DIP2C: variants seen among roughly 807,000 people sequenced by gnomAD.
The protein encoded by DIP2C is DIP2 acetate--CoA ligase C (putative), also known as disco-interacting protein 2 homolog C.
In DIP2C, 33 loss-of-function variants were observed where a neutral mutation model predicts 192.4. That is an observed-to-expected ratio of 0.17 (90% confidence interval 0.13 to 0.23). The LOEUF is 0.23. Ranked by LOEUF, DIP2C falls within the 10% of genes least tolerant of loss-of-function variation. DIP2C has a pLI of 1.00. For synonymous variants in DIP2C, 979 were observed against 864.1 expected, an observed-to-expected ratio of 1.13 and a Z score of -2.33; for missense variants, 1,537 against 2,110.1, an observed-to-expected ratio of 0.73 and a Z score of 5.32.
At chr10:411,613 C>T (rs1455664255) in intron 8 of DIP2C, among the ~76,000 whole-genome samples, 2 of 152,038 alleles carry the variant, frequency 1.3e-5, no homozygotes, top group Admixed American at 6.6e-5. Flanking sequence ...AATTCTCATT[C>T]GATACCAAAT....
intron 2 of DIP2C, among the ~76,000 whole-genome samples, chr10:474,255 G>A (rs766182747): frequency 1.3e-5 from 2 of 152,048 alleles, no homozygotes; most frequent in Non-Finnish European, 2.9e-5. Flanking sequence ...CACCCCTTAC[G>A]CCACTGTGGT....
At chr10:638,086 T>G (rs1201771624) in intron 1 of DIP2C, among the ~76,000 whole-genome samples, 1 of 152,010 alleles carries the variant, frequency 6.6e-6, no homozygotes, top group Non-Finnish European at 1.5e-5. Flanking sequence ...GGTGTGTGCC[T>G]CGGGCAATGC....
chr10:371,490 T>C (rs1425870607), intron 17 of DIP2C, among the ~76,000 whole-genome samples: 2 of 152,228 alleles, frequency 1.3e-5, no homozygotes, highest in Non-Finnish European at 2.9e-5. Flanking sequence ...ATCCAATTAC[T>C]CTGTCCTTGT....
chr10:286,815 T>C (rs753830432), intron 33 of DIP2C, among the ~76,000 whole-genome samples: 2 of 152,218 alleles, frequency 1.3e-5, no homozygotes, highest in African/African-American at 2.4e-5. Flanking sequence ...AGGGTGATGC[T>C]TGCAGTAATC....
rs1427112518 is a variant in DIP2C at position 423,049 on chromosome 10, G to C, written c.395-16C>G. The C allele has an allele frequency of 8.2e-6, 13 of 1,582,736 alleles. No individual in the cohort carries two copies. Among genetic ancestry groups the C allele is most frequent in the Non-Finnish European group, 1.1e-5 (13 of 1,161,494 alleles). ...GAAGAGGTATCTGTGTAAGAAGAAA[G>C]GTGATTTGCTGTATGTTGCAGCAAA... On this transcript the variant is annotated splice_polypyrimidine_tract_variant and intron_variant, in intron 4 of 36. Transcript: ENST00000280886.
chr10:528,384 TCCCCCAGAACG>T (rs1847180424), intron 1 of DIP2C, among the ~76,000 whole-genome samples: 1 of 86,158 alleles, frequency 1.2e-5, no homozygotes, highest in African/African-American at 9.3e-5. Flanking sequence ...CGCCCGCAGC[TCCCCCAGAACG>T]CAGACCGCCC....
chr10:568,779 AAAAAAAAAAAAAAAAAAAAC>A (rs1306534400), intron 1 of DIP2C, among the ~76,000 whole-genome samples: 27 of 144,420 alleles, frequency 1.9e-4, no homozygotes, highest in African/African-American at 5.5e-4. Context: ...AAAAAAAAAA[AAAAAAAAAAAAAAAAAAAAC>A]CTTCACTTGA....
At chr10:393,827 A>G (rs566581082) in intron 10 of DIP2C, among the ~76,000 whole-genome samples, 19 of 131,754 alleles carry the variant, frequency 1.4e-4, no homozygotes, top group East Asian at 4.3e-4. Flanking sequence ...AAGGAAAAGG[A>G]AAAAAAAAAA....
intron 9 of DIP2C, among the ~76,000 whole-genome samples, chr10:405,678 C>G (rs930880530): frequency 2.0e-5 from 3 of 152,198 alleles, no homozygotes; most frequent in Admixed American, 1.3e-4. Context: ...CATGGCTTCC[C>G]TCCGTTCAAT....
intron 1 of DIP2C, among the ~76,000 whole-genome samples, chr10:568,765 C>CCAAAA (rs1849593726): frequency 5.3e-5 from 2 of 37,862 alleles, no homozygotes; most frequent in African/African-American, 2.0e-4. Flanking sequence ...AACTCCGTCT[C>CCAAAA]AAAAAAAAAA....
chr10:354,476 T>G (rs1958977931), intron 24 of DIP2C, among the ~76,000 whole-genome samples: 1 of 152,170 alleles, frequency 6.6e-6, no homozygotes, highest in African/African-American at 2.4e-5. Context: ...TTCCTCCTCC[T>G]GATGGTACAT....
At chr10:555,306 C>G (rs1848794101) in intron 1 of DIP2C, among the ~76,000 whole-genome samples, 1 of 151,988 alleles carries the variant, frequency 6.6e-6, no homozygotes, top group South Asian at 2.1e-4. Flanking sequence ...AGGGCAGGAT[C>G]ATTTTCCCAC....
intron 15 of DIP2C, 52 bp downstream of exon 15, chr10:384,494 T>A: frequency 2.5e-6 from 4 of 1,578,040 alleles, no homozygotes; most frequent in Non-Finnish European, 1.7e-6. Flanking sequence ...TGCTTTGGCC[T>A]CCTAAAGCGC....
intron 3 of DIP2C, among the ~76,000 whole-genome samples, chr10:465,642 T>C (rs569466286): frequency 7.2e-5 from 11 of 152,086 alleles, no homozygotes; most frequent in South Asian, 6.2e-4. Flanking sequence ...GAAAACCCCA[T>C]TGTCTCAGCC....
intron 1 of DIP2C, among the ~76,000 whole-genome samples, chr10:591,261 AT>A (rs1260122703): frequency 7.2e-5 from 11 of 152,108 alleles, no homozygotes; most frequent in African/African-American, 2.7e-4. Context: ...AGTAGCTGGG[AT>A]TACAGGTGCC....
In DIP2C at chr10:511,576, CTT is replaced by C. The variant is rs890547682; in HGVS notation, c.86-25048_86-25047del. Among the ~76,000 whole-genome samples the C allele has an allele frequency of 1.3e-3, 194 of 152,272 alleles. 1 individual carries two copies. Among genetic ancestry groups the C allele is most frequent in the African/African-American group, 4.2e-3 (175 of 41,556 alleles). ...TCCAGGTTCATTTTACCCATAAAGA[CTT>C]AGAACTGTGGCTTCCCTAGAGGAAC... On this transcript the variant is annotated intron_variant, in intron 1 of 36. Transcript: ENST00000280886.
intron 1 of DIP2C, among the ~76,000 whole-genome samples, chr10:653,998 A>C (rs1773243562): frequency 6.6e-6 from 1 of 152,154 alleles, no homozygotes; most frequent in Non-Finnish European, 1.5e-5. Flanking sequence ...AACACCACGA[A>C]TACCTTCCCC....
At position 390,035 on chromosome 10, in the gene DIP2C, A is replaced by C; in HGVS notation, c.1553T>G (p.Leu518Arg). 6.2e-7 allele frequency: 1 copy of C among 1,614,142 alleles called. No homozygotes were observed. Among genetic ancestry groups the C allele is most frequent in the Non-Finnish European group, 8.5e-7 (1 of 1,179,998 alleles). The change falls in exon 13 of 37, where the codon CTG (leucine) becomes CGG (arginine). Residue 518 changes from leucine to arginine, a missense_variant. This residue lies in a region of DIP2C where 677 missense variants were observed against 989.9 expected (regional missense o/e 0.68). Coordinates refer to ENST00000280886, the MANE Select transcript of DIP2C (RefSeq NM_014974.3). The part of the protein sequence containing the change: ...LGVTVTRTAL[L>R]THCQALTQAC... The stretch of plus-strand genomic sequence containing the variant: ...CTGCGTCAGGGCCTGGCAGTGTGTC[A>C]GCAGCGCAGTCCTCGTCACCGTCAC...
intron 1 of DIP2C, among the ~76,000 whole-genome samples, chr10:640,240 C>T (rs1855096482): frequency 1.3e-5 from 2 of 152,254 alleles, no homozygotes; most frequent in Admixed American, 1.3e-4. Flanking sequence ...GACACACAGA[C>T]AGGCACGGCC....
Sources: gnomAD v4.1 joint callset for allele counts (sites outside exome capture counted in the v4.1 genomes callset) on GRCh38, gnomAD v4.1.1 for gene constraint, gnomAD v4.1.1 regional missense constraint, MANE v1.5 for transcripts, NCBI Gene and HGNC (gene_info 2026-07-23, HGNC 2026-07-21) for gene names.